Variants in TTC29 observed in about 807,000 individuals in gnomAD.
TTC29 encodes tetratricopeptide repeat protein 29.
A neutral mutation model predicts 58.1 loss-of-function variants in TTC29; 49 were observed. That is an observed-to-expected ratio of 0.84 (90% CI 0.67 to 1.07). TTC29 has a LOEUF of 1.07. Among genes scored for constraint, TTC29 ranks in the 50% least tolerant of loss-of-function variants. The pLI is 0.00. For missense variants in TTC29, 582 were observed against 555.6 expected, an observed-to-expected ratio of 1.05 and a Z score of -0.48; for synonymous variants, 209 against 196.8, an observed-to-expected ratio of 1.06 and a Z score of -0.52.
At chr4:146,929,717 T>C (rs374348367) in intron 4 of TTC29, among the ~76,000 whole-genome samples, 34 of 152,194 alleles carry the variant, frequency 2.2e-4, no homozygotes, top group African/African-American at 7.7e-4. Context: ...ATATTCTTCT[T>C]ATGAAGGAAC....
intron 8 of TTC29, among the ~76,000 whole-genome samples, chr4:146,844,656 G>C (rs116016315): frequency 1.9e-3 from 286 of 152,174 alleles, no homozygotes; most frequent in African/African-American, 6.5e-3. Context: ...GCTGGAATTA[G>C]AGGCATGAAC....
chr4:146,866,425 T>G (rs1730569653), intron 8 of TTC29, among the ~76,000 whole-genome samples: 1 of 151,836 alleles, frequency 6.6e-6, no homozygotes, highest in African/African-American at 2.4e-5. Context: ...CTCAAAAACT[T>G]TTTTTTTGGT....
intron 6 of TTC29, among the ~76,000 whole-genome samples, chr4:146,895,370 A>T (rs1375357697): frequency 6.6e-6 from 1 of 152,194 alleles, no homozygotes; most frequent in Non-Finnish European, 1.5e-5. Context: ...TTGGTCCAGA[A>T]GGAAACACTA....
intron 8 of TTC29, 48 bp from the exon 9 acceptor site, chr4:146,833,945 G>A (rs374480501): frequency 3.1e-5 from 39 of 1,254,448 alleles, no homozygotes; most frequent in Admixed American, 2.5e-4. Flanking sequence ...AGCCAGATAC[G>A]CTGATGTTTC....
chr4:146,824,381 T>C (rs1727615463), intron 9 of TTC29, among the ~76,000 whole-genome samples: 1 of 152,204 alleles, frequency 6.6e-6, no homozygotes, highest in African/African-American at 2.4e-5. Context: ...TGTCATTGGC[T>C]CTGTTCATGT....
At chr4:146,741,098 T>C (rs912942975) in intron 11 of TTC29, among the ~76,000 whole-genome samples, 1 of 152,210 alleles carries the variant, frequency 6.6e-6, no homozygotes, top group African/African-American at 2.4e-5. Context: ...CACCCAGTAG[T>C]GTGAACCTTA....
chr4:146,741,655 AC>A (rs1745160401), intron 11 of TTC29, among the ~76,000 whole-genome samples: 2 of 152,082 alleles, frequency 1.3e-5, no homozygotes, highest in Non-Finnish European at 2.9e-5. Flanking sequence ...CCACAGAGTT[AC>A]ATTTGCACAT....
At chr4:146,869,607 G>T (rs1052662515) in intron 7 of TTC29, among the ~76,000 whole-genome samples, 1 of 152,124 alleles carries the variant, frequency 6.6e-6, no homozygotes, top group Non-Finnish European at 1.5e-5. Context: ...TTGGCTGTAT[G>T]TGGTATGTAT....
At chr4:146,892,727 A>G (rs571907249) in intron 6 of TTC29, among the ~76,000 whole-genome samples, 1 of 152,324 alleles carries the variant, frequency 6.6e-6, no homozygotes, top group South Asian at 2.1e-4. Flanking sequence ...TCAATTAGGA[A>G]AAGAGGAAGT....
intron 4 of TTC29, among the ~76,000 whole-genome samples, chr4:146,916,078 CTTAAA>C (rs1734200591): frequency 6.6e-6 from 1 of 151,792 alleles, no homozygotes; most frequent in Non-Finnish European, 1.5e-5. Flanking sequence ...ATTACATTGA[CTTAAA>C]TTAATACTTA....
intron 4 of TTC29, among the ~76,000 whole-genome samples, chr4:146,919,164 G>A (rs1734424780): frequency 6.6e-6 from 1 of 151,074 alleles, no homozygotes; most frequent in South Asian, 2.1e-4. Flanking sequence ...GAGTGTTAAA[G>A]GAGAATTTTT....
rs1397371023 is a variant in TTC29 at position 146,909,209 on chromosome 4, G to A, written c.217C>T (p.Leu73=). 6.2e-7 allele frequency: 1 copy of A among 1,613,326 alleles called. No individual in the cohort carries two copies. Among genetic ancestry groups the A allele is most frequent in the African/African-American group, 1.3e-5 (1 of 74,918 alleles). The change falls in exon 5 of 13, where the codon CTG becomes TTG. Residue 73 remains leucine, a synonymous_variant. Coordinates refer to ENST00000325106, the MANE Select transcript of TTC29 (RefSeq NM_031956.4). The stretch of plus-strand genomic sequence containing the variant: ...AAGGACTTATGATAACCATCTCGCA[G>A]CATGTCCACACAGATATTCTTCTTG... ...SYKKNICVDM[L]RDGYHKSFTE... is the part of the protein sequence containing the mutation.
intron 10 of TTC29, among the ~76,000 whole-genome samples, chr4:146,814,724 C>CAAAA (rs1023402149): frequency 8.5e-5 from 3 of 35,124 alleles, no homozygotes; most frequent in Non-Finnish European, 1.9e-4. Context: ...GACTCCATCT[C>CAAAA]AAAAAAAAAA....
intron 9 of TTC29, among the ~76,000 whole-genome samples, chr4:146,833,062 T>C (rs1478521210): frequency 6.6e-6 from 1 of 152,184 alleles, no homozygotes; most frequent in African/African-American, 2.4e-5. Context: ...TAGAACTTAA[T>C]ACAATCTATA....
intron 11 of TTC29, among the ~76,000 whole-genome samples, chr4:146,743,560 G>A (rs1280229415): frequency 1.3e-5 from 2 of 152,086 alleles, no homozygotes; most frequent in African/African-American, 2.4e-5. Context: ...TGGTTTTATG[G>A]CACTCCCAGA....
intron 9 of TTC29, among the ~76,000 whole-genome samples, chr4:146,829,467 T>C (rs1474795400): frequency 1.3e-5 from 2 of 152,150 alleles, no homozygotes; most frequent in African/African-American, 4.8e-5. Context: ...ACCAAGTTTG[T>C]GGGCCACAGA....
chr4:146,729,104 C>A (rs1439940841), intron 11 of TTC29, among the ~76,000 whole-genome samples: 1 of 151,764 alleles, frequency 6.6e-6, no homozygotes, highest in East Asian at 1.9e-4. Flanking sequence ...AAGTTTTGTT[C>A]ATTCTACATT....
intron 10 of TTC29, among the ~76,000 whole-genome samples, chr4:146,806,461 C>A (rs2015803609): frequency 1.3e-5 from 2 of 152,134 alleles, no homozygotes; most frequent in African/African-American, 4.8e-5. Flanking sequence ...ACTGAAGACC[C>A]ATCGGTGTGC....
chr4:146,767,692 C>T (rs1747430605), intron 11 of TTC29, among the ~76,000 whole-genome samples: 1 of 152,004 alleles, frequency 6.6e-6, no homozygotes, highest in African/African-American at 2.4e-5. Context: ...CTCAAGGATA[C>T]ATGCATAATT....
Sources: gnomAD v4.1 joint callset for allele counts (sites outside exome capture counted in the v4.1 genomes callset) on GRCh38, gnomAD v4.1.1 for gene constraint, MANE v1.5 for transcripts, NCBI Gene and HGNC (gene_info 2026-07-23, HGNC 2026-07-21) for gene names.